ADAMTSL3: variants seen among roughly 807,000 people sequenced by gnomAD.
ADAMTSL3 encodes ADAMTS-like protein 3.
Under a neutral mutation model 201.7 loss-of-function variants are expected in ADAMTSL3, and 128 were observed. The ratio of observed to expected loss-of-function variants is 0.63; its 90% CI spans 0.55 to 0.73. The LOEUF is 0.73. Among genes scored for constraint, ADAMTSL3 ranks in the 30% least tolerant of loss-of-function variants. The pLI is 0.00. For synonymous variants in ADAMTSL3, 738 were observed against 748.4 expected (o/e 0.99, Z 0.23); for missense variants, 1,990 against 2,119.6 (o/e 0.94, Z 1.20).
chr15:83,762,956 G>T (rs942078980), intron 3 of ADAMTSL3, among the ~76,000 whole-genome samples: 4 of 151,482 alleles, frequency 2.6e-5, no homozygotes, highest in African/African-American at 7.3e-5. Context: ...ATGCAGTCTC[G>T]GCTCACTGCA....
intron 3 of ADAMTSL3, among the ~76,000 whole-genome samples, chr15:83,752,857 C>G (rs969268374): frequency 6.6e-6 from 1 of 152,222 alleles, no homozygotes; most frequent in East Asian, 1.9e-4. Context: ...TTATAGAGAC[C>G]GTTTGCTCAT....
intron 25 of ADAMTSL3, among the ~76,000 whole-genome samples, chr15:84,017,065 CAGA>C (rs1409715192): frequency 6.6e-6 from 1 of 152,096 alleles, no homozygotes; most frequent in Non-Finnish European, 1.5e-5. Context: ...GGGTAAATCG[CAGA>C]AGGACACAAA....
intron 3 of ADAMTSL3, among the ~76,000 whole-genome samples, chr15:83,747,335 G>C (rs1294262941): frequency 6.6e-6 from 1 of 152,212 alleles, no homozygotes; most frequent in Non-Finnish European, 1.5e-5. Flanking sequence ...TGGGAAGAGT[G>C]TTGAAACAAC....
intron 13 of ADAMTSL3, among the ~76,000 whole-genome samples, chr15:83,895,584 A>C (rs924459149): frequency 2.6e-5 from 4 of 152,204 alleles, no homozygotes; most frequent in African/African-American, 9.6e-5. Context: ...GCAGCTCCAC[A>C]GAGGAGTTCT....
chr15:83,986,622 C>CA (rs1232824890), intron 21 of ADAMTSL3, among the ~76,000 whole-genome samples: 1 of 152,148 alleles, frequency 6.6e-6, no homozygotes, highest in Non-Finnish European at 1.5e-5. Flanking sequence ...CTTTACATAA[C>CA]AAATGTTCTC....
In ADAMTSL3 at chr15:83,924,122, G is replaced by A. The variant is rs76000246; in HGVS notation, c.2117+89G>A. The A allele has an allele frequency of 5.0e-3, 7,612 of 1,509,072 alleles. 28 individuals carry two copies. The highest frequency in any genetic ancestry group is 6.6e-3 in the Non-Finnish European group (7,311 of 1,114,998). 93.5% of individuals were successfully genotyped at this position (1,509,072 alleles called of 1,614,324 possible). A position where few individuals can be genotyped will look rare whatever the true frequency, so the allele number is the denominator to read the frequency against. ...AAACCCACCTAAGTGCAGACTTGTG[G>A]CTTCACCCAAGGTAGATGTGCTAAG... On this transcript the variant is annotated intron_variant, in intron 17 of 29. Transcript: ENST00000286744.
At chr15:83,690,812 T>G (rs143668904) in intron 2 of ADAMTSL3, among the ~76,000 whole-genome samples, 5 of 152,340 alleles carry the variant, frequency 3.3e-5, no homozygotes, top group African/African-American at 1.2e-4. Flanking sequence ...TTTAGAACTT[T>G]GTGATTACAA....
chr15:83,868,230 A>G (rs530346159), intron 8 of ADAMTSL3, among the ~76,000 whole-genome samples: 24 of 152,328 alleles, frequency 1.6e-4, no homozygotes, highest in African/African-American at 5.1e-4. Context: ...GGGCTTGTGC[A>G]TGCAGCTCTC....
At chr15:83,690,297 T>A (rs2061593880) in intron 2 of ADAMTSL3, among the ~76,000 whole-genome samples, 1 of 152,186 alleles carries the variant, frequency 6.6e-6, no homozygotes, top group African/African-American at 2.4e-5. Context: ...CTTCATGGTC[T>A]GCCTTCCAGA....
intron 3 of ADAMTSL3, among the ~76,000 whole-genome samples, chr15:83,724,983 T>G (rs2062152470): frequency 1.3e-5 from 2 of 152,118 alleles, no homozygotes; most frequent in African/African-American, 4.8e-5. Flanking sequence ...TGCTTCCAAT[T>G]CTTAGCAATT....
Position 83,835,224 on chromosome 15 carries a change from ACT to A in ADAMTSL3, c.601-2862_601-2861del, listed in dbSNP as rs2064242676. On this transcript the variant is annotated intron_variant, in intron 6 of 29. Transcript: ENST00000286744. Reference sequence around the variant, plus strand: ...ACTCCAGCTTGGGCGGCAGAGCAAGACTCTGTCTCAAAAAAAAAAAAAAAAAA... The same window carrying A: ...ACTCCAGCTTGGGCGGCAGAGCAAGACTGTCTCAAAAAAAAAAAAAAAAAA... 5.3e-5 allele frequency among the ~76,000 whole-genome samples: 6 copies of A among 113,690 alleles called. No homozygotes were observed. The South Asian group carries it at 2.1e-3, about 40-fold the overall frequency. The allele number at this position is 113,690 out of a possible 152,430, so 74.6% of individuals were successfully genotyped here. A position where few individuals can be genotyped will look rare whatever the true frequency, so the allele number is the denominator to read the frequency against.
At chr15:83,767,332 A>G (rs1451558512) in intron 3 of ADAMTSL3, among the ~76,000 whole-genome samples, 1 of 152,238 alleles carries the variant, frequency 6.6e-6, no homozygotes, top group Non-Finnish European at 1.5e-5. Flanking sequence ...GCTCTGCCTC[A>G]GATTCTGGCC....
intron 17 of ADAMTSL3, among the ~76,000 whole-genome samples, chr15:83,939,693 C>T (rs1006138634): frequency 3.3e-5 from 5 of 151,498 alleles, no homozygotes; most frequent in Non-Finnish European, 7.4e-5. Flanking sequence ...CTGATCTCAG[C>T]TCACTGAAAG....
intron 25 of ADAMTSL3, among the ~76,000 whole-genome samples, chr15:84,017,274 C>T (rs751787102): frequency 6.6e-5 from 10 of 152,114 alleles, no homozygotes; most frequent in Admixed American, 1.3e-4. Flanking sequence ...CCCGCCACCA[C>T]GCCCGGCTAA....
At chr15:83,924,667 G>T (rs1262371160) in intron 17 of ADAMTSL3, among the ~76,000 whole-genome samples, 1 of 152,182 alleles carries the variant, frequency 6.6e-6, no homozygotes, top group Non-Finnish European at 1.5e-5. Flanking sequence ...CAGAAGAGAA[G>T]TAGCTTGTTC....
intron 17 of ADAMTSL3, among the ~76,000 whole-genome samples, chr15:83,938,284 C>G: frequency 6.6e-6 from 1 of 152,310 alleles, no homozygotes; most frequent in East Asian, 1.9e-4. Flanking sequence ...ACCACTTCCA[C>G]TCGGTGGTGG....
chr15:84,032,226 G>A (rs1231421050), intron 28 of ADAMTSL3, among the ~76,000 whole-genome samples: 3 of 152,212 alleles, frequency 2.0e-5, no homozygotes, highest in African/African-American at 7.2e-5. Context: ...TGTGAAACAC[G>A]AGGCAGCCTG....
chr15:83,701,433 C>T (rs2061775846), intron 2 of ADAMTSL3, among the ~76,000 whole-genome samples: 1 of 152,162 alleles, frequency 6.6e-6, no homozygotes, highest in Non-Finnish European at 1.5e-5. Context: ...CCTCAGACTC[C>T]AACCATTGTG....
At chr15:83,832,475 C>G (rs543857721) in intron 6 of ADAMTSL3, among the ~76,000 whole-genome samples, 83 of 152,306 alleles carry the variant, frequency 5.4e-4, no homozygotes, top group African/African-American at 1.9e-3. Context: ...GCTGGATGCT[C>G]TTTTGGCTAG....
Sources: gnomAD v4.1 joint callset for allele counts (sites outside exome capture counted in the v4.1 genomes callset) on GRCh38, gnomAD v4.1.1 for gene constraint, MANE v1.5 for transcripts, NCBI Gene and HGNC (gene_info 2026-07-23, HGNC 2026-07-21) for gene names.